DOCK8: variants seen among roughly 807,000 people sequenced by gnomAD.
DOCK8 encodes the protein dedicator of cytokinesis protein 8.
A neutral mutation model predicts 245.6 loss-of-function variants in DOCK8; 141 were observed. The observed-to-expected ratio is 0.57, with a 90% CI of 0.50 to 0.66. The LOEUF (loss-of-function observed/expected upper bound fraction) is 0.66, where lower values mean the gene tolerates loss of function less well. Among genes scored for constraint, DOCK8 ranks in the 30% least tolerant of loss-of-function variants. The pLI is 0.00. For missense variants in DOCK8, 2,965 were observed against 2,603.4 expected (o/e 1.14, Z -3.02); for synonymous variants, 1,168 against 970.2 (o/e 1.20, Z -3.79).
chr9:396,099 C>G (rs1170047793), intron 24 of DOCK8, among the ~76,000 whole-genome samples: 2 of 151,844 alleles, frequency 1.3e-5, no homozygotes, highest in Non-Finnish European at 2.9e-5. Flanking sequence ...CATTATGTAA[C>G]TAAAAATTAG....
intron 1 of DOCK8, among the ~76,000 whole-genome samples, chr9:228,077 C>T (rs1212106780): frequency 6.6e-6 from 1 of 152,006 alleles, no homozygotes; most frequent in Admixed American, 6.6e-5. Context: ...GGAGTCCATG[C>T]AGAGGAAATA....
intron 1 of DOCK8, among the ~76,000 whole-genome samples, chr9:219,771 C>G (rs1321451737): frequency 6.6e-6 from 1 of 152,096 alleles, no homozygotes; most frequent in East Asian, 1.9e-4. Context: ...GTGGCTTGCA[C>G]CTGTAGTCCC....
chr9:288,886 A>G (rs1235100981), intron 3 of DOCK8, among the ~76,000 whole-genome samples: 1 of 152,204 alleles, frequency 6.6e-6, no homozygotes, highest in Non-Finnish European at 1.5e-5. Flanking sequence ...AAGCCTGTTT[A>G]TTTCTGGTAC....
At chr9:297,333 T>C (rs1236850245) in intron 4 of DOCK8, among the ~76,000 whole-genome samples, 1 of 152,174 alleles carries the variant, frequency 6.6e-6, no homozygotes, top group Non-Finnish European at 1.5e-5. Context: ...TCCTTCTGAC[T>C]CTAGAGCCTG....
chr9:352,471 C>T (rs1356959505), intron 14 of DOCK8, among the ~76,000 whole-genome samples: 3 of 152,140 alleles, frequency 2.0e-5, no homozygotes, highest in Admixed American at 1.3e-4. Context: ...TGGCCAGGCA[C>T]GGTGGCTCAT....
chr9:394,286 G>A (rs2054339663), intron 24 of DOCK8, among the ~76,000 whole-genome samples: 1 of 152,158 alleles, frequency 6.6e-6, no homozygotes, highest in Non-Finnish European at 1.5e-5. Context: ...GCTGGGGTAG[G>A]GGCAAATGGA....
chr9:296,395 T>A (rs1338839756), intron 4 of DOCK8, among the ~76,000 whole-genome samples: 1 of 152,204 alleles, frequency 6.6e-6, no homozygotes, highest in Non-Finnish European at 1.5e-5. Context: ...CTTGTTTACA[T>A]ACTATATTTA....
chr9:287,234 G>A (rs1237023526), intron 3 of DOCK8, among the ~76,000 whole-genome samples: 1 of 152,188 alleles, frequency 6.6e-6, no homozygotes, highest in Non-Finnish European at 1.5e-5. Context: ...TATGTGAATA[G>A]CTAATTAGGG....
At chr9:362,142 T>TC (rs2052759916) in intron 14 of DOCK8, among the ~76,000 whole-genome samples, 1 of 152,186 alleles carries the variant, frequency 6.6e-6, no homozygotes, top group Non-Finnish European at 1.5e-5. Flanking sequence ...TGATTGGTCC[T>TC]CCATGTTCTC....
intron 1 of DOCK8, among the ~76,000 whole-genome samples, chr9:240,719 C>G (rs966185034): frequency 2.0e-5 from 3 of 152,048 alleles, no homozygotes; most frequent in African/African-American, 7.2e-5. Context: ...CTTACTTGTG[C>G]CAGGCACTGT....
At chr9:440,721 T>C (rs894813792) in intron 40 of DOCK8, among the ~76,000 whole-genome samples, 4 of 152,124 alleles carry the variant, frequency 2.6e-5, no homozygotes, top group African/African-American at 9.7e-5. Flanking sequence ...CTCCTGTTTT[T>C]TCTTTTCGTT....
At chr9:443,360 T>G in intron 42 of DOCK8, 67 bp from the exon 43 acceptor site, 1 of 1,478,066 alleles carries the variant, frequency 6.8e-7, no homozygotes, top group Non-Finnish European at 9.5e-7. Context: ...TTATTTCACT[T>G]CCAAGAAGAC....
At chr9:247,759 A>C (rs945380800) in intron 1 of DOCK8, among the ~76,000 whole-genome samples, 2 of 151,830 alleles carry the variant, frequency 1.3e-5, no homozygotes, top group Non-Finnish European at 2.9e-5. Context: ...GGATGGTCTC[A>C]ATCTCCTGAC....
chr9:411,155 G>A (rs1368192999), intron 28 of DOCK8, among the ~76,000 whole-genome samples: 4 of 152,178 alleles, frequency 2.6e-5, no homozygotes, highest in African/African-American at 9.7e-5. Flanking sequence ...GCTCATACCT[G>A]TAATCCCAGC....
At chr9:336,756 C>T in intron 12 of DOCK8, 38 bp downstream of exon 12, 3 of 1,613,288 alleles carry the variant, frequency 1.9e-6, no homozygotes, top group South Asian at 1.1e-5. Context: ...GATTTTTCCC[C>T]ATACTGGCAT....
intron 14 of DOCK8, among the ~76,000 whole-genome samples, chr9:353,611 T>C (rs191250505): frequency 3.3e-4 from 50 of 152,284 alleles, no homozygotes; most frequent in African/African-American, 1.1e-3. Flanking sequence ...TTTCTCTGTC[T>C]GTTAAAGGAA....
intron 4 of DOCK8, among the ~76,000 whole-genome samples, chr9:298,079 A>G (rs1208419066): frequency 6.6e-6 from 1 of 152,236 alleles, no homozygotes; most frequent in Non-Finnish European, 1.5e-5. Flanking sequence ...CCAAAGAACA[A>G]TAGCCAAATA....
At chr9:437,500 C>T (rs1428449702) in intron 39 of DOCK8, among the ~76,000 whole-genome samples, 2 of 152,138 alleles carry the variant, frequency 1.3e-5, no homozygotes, top group African/African-American at 4.8e-5. Flanking sequence ...TTACTGACCC[C>T]GGGTCATGGG....
intron 11 of DOCK8, among the ~76,000 whole-genome samples, chr9:336,094 C>G (rs1029451249): frequency 2.0e-5 from 3 of 152,192 alleles, no homozygotes; most frequent in African/African-American, 7.2e-5. Flanking sequence ...GTCTTGCTGC[C>G]TGGTCCACAT....
Sources: allele counts gnomAD v4.1 joint callset (sites outside exome capture counted in the v4.1 genomes callset), GRCh38; gene constraint gnomAD v4.1.1; transcripts MANE v1.5; gene names NCBI Gene and HGNC (gene_info 2026-07-23, HGNC 2026-07-21).